The following KIAA1328 variants were observed in gnomAD, a reference collection of about 807,000 sequenced individuals.
KIAA1328 encodes protein hinderin.
A neutral mutation model predicts 68.1 loss-of-function variants in KIAA1328; 52 were observed. The observed-to-expected ratio is 0.76, with a 90% CI of 0.61 to 0.96. KIAA1328 has a LOEUF of 0.96. Ranked by LOEUF, KIAA1328 falls within the 40% of genes least tolerant of loss-of-function variation. The pLI, the probability that KIAA1328 is intolerant of heterozygous loss-of-function variation, is 0.00. For missense variants in KIAA1328, 641 were observed against 677.6 expected, an observed-to-expected ratio of 0.95 and a Z score of 0.60; for synonymous variants, 232 against 239.4, an observed-to-expected ratio of 0.97 and a Z score of 0.28.
intron 7 of KIAA1328, among the ~76,000 whole-genome samples, chr18:37,158,962 T>C (rs1488240284): frequency 6.6e-6 from 1 of 152,132 alleles, no homozygotes; most frequent in Non-Finnish European, 1.5e-5. Context: ...TTTCCGTATT[T>C]CCCTGTTCCG....
At chr18:36,831,058 A>T (rs955216545) in intron 1 of KIAA1328, among the ~76,000 whole-genome samples, 8 of 148,568 alleles carry the variant, frequency 5.4e-5, no homozygotes, top group African/African-American at 1.8e-4. Context: ...ATTTAGTTAC[A>T]TGTCTTTGCA....
chr18:36,878,303 G>A (rs1274608974), intron 4 of KIAA1328, among the ~76,000 whole-genome samples: 2 of 152,204 alleles, frequency 1.3e-5, no homozygotes, highest in African/African-American at 2.4e-5. Flanking sequence ...GGCTGGATAT[G>A]AAATTCTGGG....
Position 36,835,373 on chromosome 18 carries a change from A to G in KIAA1328, c.234A>G (p.Glu78=), listed in dbSNP as rs1265754132. The G allele has an allele frequency of 3.1e-6, 5 of 1,609,572 alleles. No homozygotes were observed. In the African/African-American group the frequency reaches 6.7e-5, roughly 22 times the overall value. Residue 78 remains glutamate, a synonymous_variant, in exon 3 of 10, where the codon GAA becomes GAG. Transcript: ENST00000280020. ...AAGGCACAGGAGATTCAGTAGATGAACAGGTTAGTATTTTTTTCGTCTTTT... is the reference window on the plus strand; with the variant it reads ...AAGGCACAGGAGATTCAGTAGATGAGCAGGTTAGTATTTTTTTCGTCTTTT... ...SLKGTGDSVD[E]QNSCRGEIKS... is the part of the protein sequence containing the mutation.
chr18:36,952,908 A>G (rs746464170), intron 5 of KIAA1328, among the ~76,000 whole-genome samples: 7 of 152,036 alleles, frequency 4.6e-5, no homozygotes, highest in Non-Finnish European at 8.8e-5. Flanking sequence ...TGCTTCTCAC[A>G]TGATAATTTG....
At chr18:37,018,552 T>C (rs2054232084) in intron 6 of KIAA1328, among the ~76,000 whole-genome samples, 1 of 152,178 alleles carries the variant, frequency 6.6e-6, no homozygotes, top group African/African-American at 2.4e-5. Context: ...TCCTCAAGTA[T>C]ATTTTCCAGA....
At chr18:37,000,273 A>G (rs1459163624) in intron 6 of KIAA1328, among the ~76,000 whole-genome samples, 2 of 152,146 alleles carry the variant, frequency 1.3e-5, no homozygotes, top group Non-Finnish European at 2.9e-5. Context: ...AGGTCTTTTT[A>G]TAATCATAAA....
chr18:37,075,170 C>T (rs2056675552), intron 7 of KIAA1328: 1 of 151,744 alleles, frequency 6.6e-6, no homozygotes, highest in African/African-American at 2.4e-5. Context: ...AGAGTGGGGG[C>T]CAATATTCAA....
chr18:36,923,100 G>C (rs1371173603), intron 5 of KIAA1328, among the ~76,000 whole-genome samples: 1 of 152,020 alleles, frequency 6.6e-6, no homozygotes, highest in East Asian at 1.9e-4. Context: ...AAATTAGAGA[G>C]TATTTTGAAC....
intron 5 of KIAA1328, among the ~76,000 whole-genome samples, chr18:36,946,897 A>G (rs1342262665): frequency 6.6e-6 from 1 of 152,226 alleles, no homozygotes; most frequent in African/African-American, 2.4e-5. Flanking sequence ...GATGACAAGC[A>G]TAAAAATGAT....
intron 7 of KIAA1328, among the ~76,000 whole-genome samples, chr18:37,137,713 A>C (rs1477597172): frequency 6.6e-6 from 1 of 152,050 alleles, no homozygotes; most frequent in East Asian, 1.9e-4. Context: ...TTGCCTCTGC[A>C]TACTGTTTAA....
chr18:36,905,675 C>T (rs2049193176), intron 5 of KIAA1328, among the ~76,000 whole-genome samples: 1 of 152,060 alleles, frequency 6.6e-6, no homozygotes, highest in Non-Finnish European at 1.5e-5. Context: ...TTCTACTGAC[C>T]ACCTTCCTTT....
intron 1 of KIAA1328, chr18:36,832,939 C>T (rs1048506884): frequency 6.6e-6 from 1 of 151,464 alleles, no homozygotes; most frequent in Non-Finnish European, 1.5e-5. Flanking sequence ...TGGGTTCACA[C>T]CATTCTCCTG....
At position 37,222,356 on chromosome 18, in the gene KIAA1328, C is replaced by T. The variant is rs544162044; in HGVS notation, c.*129C>T. The T allele has an allele frequency of 2.1e-4, 310 of 1,464,414 alleles. 1 individual carries two copies. The African/African-American group carries it at 3.4e-3, about 16-fold the overall frequency. 90.7% of individuals were successfully genotyped at this position (1,464,414 alleles called of 1,614,324 possible). On this transcript the variant is annotated 3_prime_UTR_variant, in exon 10 of 10. Coordinates refer to ENST00000280020, the MANE Select transcript of KIAA1328 (RefSeq NM_020776.3). ...GACTTGTCTCACTAGCATCCTGTTACGTATTGAATATAGAAATCATTCTAA... is the reference window on the plus strand; with the variant it reads ...GACTTGTCTCACTAGCATCCTGTTATGTATTGAATATAGAAATCATTCTAA...
intron 3 of KIAA1328, among the ~76,000 whole-genome samples, chr18:36,842,357 AG>A (rs1477458527): frequency 1.3e-5 from 2 of 152,128 alleles, no homozygotes; most frequent in African/African-American, 4.8e-5. Context: ...TAAGGAACTC[AG>A]GGGTGACACT....
intron 5 of KIAA1328, among the ~76,000 whole-genome samples, chr18:36,942,197 G>GC (rs1249314851): frequency 6.6e-6 from 1 of 152,240 alleles, no homozygotes; most frequent in African/African-American, 2.4e-5. Context: ...TATTTAAGAT[G>GC]TGAGGCCTGT....
At chr18:36,948,148 A>G (rs1207936343) in intron 5 of KIAA1328, among the ~76,000 whole-genome samples, 1 of 152,038 alleles carries the variant, frequency 6.6e-6, no homozygotes, top group Non-Finnish European at 1.5e-5. Context: ...GAGAGGTATC[A>G]TGTGTATTGA....
chr18:36,932,165 T>G lies in KIAA1328; in HGVS notation c.449-27143T>G, dbSNP rs545505134. Reference sequence around the variant, plus strand: ...TATGACAAAGATCGTATTAGACACCTCAGTGATCATAAACGTTTCCAGTAG... The same window carrying G: ...TATGACAAAGATCGTATTAGACACCGCAGTGATCATAAACGTTTCCAGTAG... On this transcript the variant is annotated intron_variant, in intron 5 of 9. Transcript: ENST00000280020. 1.6e-3 allele frequency among the ~76,000 whole-genome samples: 238 copies of G among 152,346 alleles called. 1 individual carries two copies. Among genetic ancestry groups the G allele is most frequent in the African/African-American group, 5.4e-3 (226 of 41,586 alleles).
intron 5 of KIAA1328, 29 bp downstream of exon 5, chr18:36,885,701 C>A: frequency 7.3e-7 from 1 of 1,376,850 alleles, no homozygotes. Context: ...TCTTTTTTAA[C>A]GTTCAAGAAG....
intron 6 of KIAA1328, among the ~76,000 whole-genome samples, chr18:37,050,233 A>G (rs1247098343): frequency 6.6e-6 from 1 of 150,532 alleles, no homozygotes; most frequent in East Asian, 1.9e-4. Context: ...CAAAAAAAGA[A>G]AAAAAAGGAA....
Sources: allele counts gnomAD v4.1 joint callset (sites outside exome capture counted in the v4.1 genomes callset), GRCh38; gene constraint gnomAD v4.1.1; transcripts MANE v1.5; gene names NCBI Gene and HGNC (gene_info 2026-07-23, HGNC 2026-07-21).